NOL4: variants seen among roughly 807,000 people sequenced by gnomAD.
NOL4 encodes the protein nucleolar protein 4, also known as cancer/testis antigen 125.
In NOL4, 17 loss-of-function variants were observed where a neutral mutation model predicts 75.9. The observed-to-expected ratio is 0.22, with a 90% CI of 0.15 to 0.34. The LOEUF is 0.34. Among genes scored for constraint, NOL4 ranks in the 10% least tolerant of loss-of-function variants. The pLI is 1.00. For synonymous variants in NOL4, 292 were observed against 289.9 expected, an observed-to-expected ratio of 1.01 and a Z score of -0.07; for missense variants, 614 against 793.5, an observed-to-expected ratio of 0.77 and a Z score of 2.72.
chr18:33,916,621 T>C (rs997108483), intron 9 of NOL4, among the ~76,000 whole-genome samples: 3 of 152,182 alleles, frequency 2.0e-5, no homozygotes, highest in African/African-American at 7.2e-5. Context: ...TATCCAATGC[T>C]TATTTACTTT....
intron 6 of NOL4, among the ~76,000 whole-genome samples, chr18:34,001,536 G>T (rs1047958160): frequency 7.9e-5 from 12 of 152,014 alleles, no homozygotes; most frequent in Admixed American, 5.2e-4. Context: ...AGCACACCAC[G>T]TCAACATGAC....
At chr18:34,145,416 C>T (rs944157365) in intron 1 of NOL4, among the ~76,000 whole-genome samples, 9 of 151,198 alleles carry the variant, frequency 6.0e-5, no homozygotes, top group Non-Finnish European at 1.0e-4. Flanking sequence ...ATTTAAACTT[C>T]CTAATTTATA....
rs974687627 is a variant in NOL4, at chr18:34,097,589, T to G, written c.640-3992A>C. 6.6e-5 allele frequency among the ~76,000 whole-genome samples: 10 copies of G among 152,326 alleles called. No homozygotes were observed. In the South Asian group the frequency reaches 1.2e-3, roughly 19 times the overall value. On this transcript the variant is annotated intron_variant, in intron 4 of 10. Transcript: ENST00000261592. ...ACTAGTCGTATGTGGCTGTTGAACA[T>G]TTGAAATGTGGTTAGTGTGACTTAA...
At chr18:33,862,972 G>A (rs568607969) in intron 10 of NOL4, among the ~76,000 whole-genome samples, 163 of 152,274 alleles carry the variant, frequency 1.1e-3, no homozygotes, top group African/African-American at 3.6e-3. Flanking sequence ...ACATGCACAC[G>A]TATGTTTATT....
intron 1 of NOL4, among the ~76,000 whole-genome samples, chr18:34,202,868 ACT>A (rs2035834276): frequency 1.3e-5 from 2 of 152,106 alleles, no homozygotes; most frequent in South Asian, 2.1e-4. Context: ...TGGTACAGAC[ACT>A]CTGGTAAACA....
intron 1 of NOL4, among the ~76,000 whole-genome samples, chr18:34,205,717 C>T (rs111435108): frequency 6.2e-4 from 94 of 152,150 alleles, no homozygotes; most frequent in African/African-American, 2.2e-3. Context: ...TAAGCAGTTG[C>T]CAAGGTGATT....
chr18:34,008,855 G>A (rs1371780174), intron 6 of NOL4, among the ~76,000 whole-genome samples: 1 of 151,938 alleles, frequency 6.6e-6, no homozygotes, highest in Non-Finnish European at 1.5e-5. Flanking sequence ...GAAGCCAAAT[G>A]GCAATGAGAA....
At chr18:33,980,779 G>A (rs983412670) in intron 6 of NOL4, among the ~76,000 whole-genome samples, 1 of 151,976 alleles carries the variant, frequency 6.6e-6, no homozygotes, top group African/African-American at 2.4e-5. Context: ...AGAACATCAT[G>A]TATTCCTTCT....
intron 9 of NOL4, among the ~76,000 whole-genome samples, chr18:33,918,067 A>C (rs563955781): frequency 1.3e-5 from 2 of 152,302 alleles, no homozygotes; most frequent in African/African-American, 4.8e-5. Context: ...TATCTTTGCT[A>C]TGGCCAAACA....
At position 34,093,547 on chromosome 18, in the gene NOL4, C is replaced by A. The variant is rs2078626796; in HGVS notation, c.690G>T (p.Arg230=). Residue 230 remains arginine, a synonymous_variant, in exon 5 of 11, where the codon CGG becomes CGT. Coordinates refer to ENST00000261592, the MANE Select transcript of NOL4 (RefSeq NM_003787.5). Reference sequence around the variant, plus strand: ...TAAGATCAGAGTTCACAGCTGACATCCGTGTTGAATCACTCATGTCAAATT... The same window carrying A: ...TAAGATCAGAGTTCACAGCTGACATACGTGTTGAATCACTCATGTCAAATT... ...SDEFDMSDST[R]MSAVNSDLSS... 6.2e-7 allele frequency: 1 copy of A among 1,607,798 alleles called. No homozygotes were observed. Among genetic ancestry groups the A allele is most frequent in the Admixed American group, 1.7e-5 (1 of 59,490 alleles).
At chr18:34,167,044 C>CAAAAAAAAAAAAAAA (rs1174730527) in intron 1 of NOL4, among the ~76,000 whole-genome samples, 4 of 5,668 alleles carry the variant, frequency 7.1e-4, no homozygotes, top group Non-Finnish European at 9.1e-4. Context: ...GACTCCGTCT[C>CAAAAAAAAAAAAAAA]AAAAAAAAAA....
chr18:34,198,386 C>T (rs1477656899), intron 1 of NOL4, among the ~76,000 whole-genome samples: 1 of 151,780 alleles, frequency 6.6e-6, no homozygotes, highest in Non-Finnish European at 1.5e-5. Context: ...AAATTTCTGA[C>T]ATAAATATAT....
intron 1 of NOL4, among the ~76,000 whole-genome samples, chr18:34,213,687 C>G (rs1409666719): frequency 6.6e-6 from 1 of 152,144 alleles, no homozygotes; most frequent in Non-Finnish European, 1.5e-5. Context: ...AAAGGGCTCC[C>G]TTCTATTTTC....
chr18:33,981,320 C>T (rs2071940661), intron 6 of NOL4, among the ~76,000 whole-genome samples: 1 of 150,262 alleles, frequency 6.7e-6, no homozygotes, highest in African/African-American at 2.4e-5. Context: ...AAACACCACA[C>T]CACAGATCCA....
At chr18:34,002,952 A>G (rs951527324) in intron 6 of NOL4, among the ~76,000 whole-genome samples, 1 of 152,124 alleles carries the variant, frequency 6.6e-6, no homozygotes, top group Non-Finnish European at 1.5e-5. Context: ...GCATTCTTTA[A>G]TTCTTTATAT....
intron 5 of NOL4, among the ~76,000 whole-genome samples, chr18:34,035,555 A>G (rs2075850558): frequency 6.6e-6 from 1 of 152,070 alleles, no homozygotes; most frequent in Non-Finnish European, 1.5e-5. Context: ...GATTTCAAAT[A>G]ATCTAATGAT....
intron 4 of NOL4, among the ~76,000 whole-genome samples, chr18:34,096,568 G>C (rs1568335956): frequency 6.6e-6 from 1 of 152,042 alleles, no homozygotes; most frequent in African/African-American, 2.4e-5. Flanking sequence ...CTGATATTAA[G>C]TATTTTATTC....
chr18:34,154,765 C>G (rs529589005), intron 1 of NOL4, among the ~76,000 whole-genome samples: 1 of 152,028 alleles, frequency 6.6e-6, no homozygotes, highest in African/African-American at 2.4e-5. Flanking sequence ...AAATGTCTCT[C>G]TAGCAGTATA....
Position 34,019,601 on chromosome 18 carries a change from T to A in NOL4, c.773A>T (p.Asp258Val). The change falls in exon 6 of 11, where the codon GAT becomes GTT. Residue 258 changes from aspartate (D) to valine (V), a missense_variant and splice_region_variant. Transcript: ENST00000261592. ...ATTAAAGCTCTCTGCAGCAGAATCA[T>A]CTGTTGGAAAGGAAAAGTTATATTT... ...SPQNLHGQQD[D>V]DSAAESFNGN... The A allele has an allele frequency of 6.2e-7, 1 of 1,608,444 alleles. No homozygotes were observed. Among genetic ancestry groups the A allele is most frequent in the Non-Finnish European group, 8.5e-7 (1 of 1,176,282 alleles).
Sources: gnomAD v4.1 joint callset for allele counts (sites outside exome capture counted in the v4.1 genomes callset) on GRCh38, gnomAD v4.1.1 for gene constraint, MANE v1.5 for transcripts, NCBI Gene and HGNC (gene_info 2026-07-23, HGNC 2026-07-21) for gene names.